The following NOL4 variants were observed in gnomAD, a reference collection of about 807,000 sequenced individuals.
The protein encoded by NOL4 is cancer/testis antigen 125.
A neutral mutation model predicts 75.9 loss-of-function variants in NOL4; 17 were observed. The observed-to-expected ratio is 0.22, with a 90% CI of 0.15 to 0.34. The LOEUF (loss-of-function observed/expected upper bound fraction) is 0.34. NOL4 is among the 10% of genes least tolerant of loss of function. NOL4 has a pLI of 1.00. For missense variants in NOL4, 614 were observed against 793.5 expected (o/e 0.77, Z 2.72); for synonymous variants, 292 against 289.9 (o/e 1.01, Z -0.07).
chr18:34,187,834 A>G (rs956070087), intron 1 of NOL4, among the ~76,000 whole-genome samples: 1 of 152,110 alleles, frequency 6.6e-6, no homozygotes, highest in Non-Finnish European at 1.5e-5. Context: ...ATGTTTTTCA[A>G]CTCACTTGTG....
At chr18:34,143,930 T>C (rs1370442480) in intron 1 of NOL4, among the ~76,000 whole-genome samples, 4 of 149,170 alleles carry the variant, frequency 2.7e-5, no homozygotes, top group African/African-American at 9.8e-5. Flanking sequence ...GACAAAATCA[T>C]AAATCTGTCC....
Position 34,073,352 on chromosome 18 carries a change from C to G in NOL4, c.772+20113G>C, listed in dbSNP as rs538965256. Among the ~76,000 whole-genome samples the G allele has an allele frequency of 5.3e-5, 8 of 151,956 alleles. No homozygotes were observed. In the East Asian group the frequency reaches 1.5e-3, roughly 29 times the overall value. ...AGAGAGGTGATAGTCGTCCTTTGGT[C>G]TCTGTGGGGGAACTGGTACTCCCAT... On this transcript the variant is annotated intron_variant, in intron 5 of 10. Coordinates refer to ENST00000261592, the MANE Select transcript of NOL4 (RefSeq NM_003787.5).
chr18:33,857,732 G>A (rs1392341382), intron 10 of NOL4, among the ~76,000 whole-genome samples: 1 of 151,988 alleles, frequency 6.6e-6, no homozygotes, highest in East Asian at 1.9e-4. Context: ...GAAGTTTAAA[G>A]GTGATAGCAC....
intron 6 of NOL4, among the ~76,000 whole-genome samples, chr18:33,992,879 A>G (rs1476081326): frequency 1.3e-5 from 2 of 152,016 alleles, no homozygotes; most frequent in African/African-American, 4.8e-5. Flanking sequence ...CTGGGAGGAG[A>G]AGGAGACCAT....
chr18:34,175,196 C>T (rs758018068), intron 1 of NOL4, among the ~76,000 whole-genome samples: 30 of 152,096 alleles, frequency 2.0e-4, no homozygotes, highest in Non-Finnish European at 3.5e-4. Flanking sequence ...GCTTTTTCAA[C>T]GCCTCAATCC....
chr18:34,094,626 GC>G, intron 4 of NOL4, among the ~76,000 whole-genome samples: 1 of 152,272 alleles, frequency 6.6e-6, no homozygotes, highest in Non-Finnish European at 1.5e-5. Context: ...AGGCTGGAAG[GC>G]CCGGGAAACC....
chr18:33,998,918 T>A (rs573984560), intron 6 of NOL4, among the ~76,000 whole-genome samples: 1 of 152,116 alleles, frequency 6.6e-6, no homozygotes, highest in African/African-American at 2.4e-5. Context: ...CATATACTTA[T>A]AGTTGCTGAG....
intron 9 of NOL4, among the ~76,000 whole-genome samples, chr18:33,930,689 C>G (rs1416844686): frequency 6.6e-6 from 1 of 152,110 alleles, no homozygotes; most frequent in African/African-American, 2.4e-5. Flanking sequence ...TTTTTTAGGA[C>G]TCTCTAGCCT....
chr18:34,127,975 C>A (rs1053102066), intron 2 of NOL4, among the ~76,000 whole-genome samples: 13 of 151,822 alleles, frequency 8.6e-5, no homozygotes, highest in African/African-American at 3.1e-4. Flanking sequence ...TCTGGACATA[C>A]TTTCAAAGGT....
intron 9 of NOL4, among the ~76,000 whole-genome samples, chr18:33,894,140 GCA>G (rs2065261191): frequency 6.6e-6 from 1 of 152,012 alleles, no homozygotes; most frequent in African/African-American, 2.4e-5. Flanking sequence ...TTCTCTTCTT[GCA>G]TTTGATAGCA....
At chr18:34,172,905 C>T (rs2033182934) in intron 1 of NOL4, among the ~76,000 whole-genome samples, 1 of 151,998 alleles carries the variant, frequency 6.6e-6, no homozygotes, top group Non-Finnish European at 1.5e-5. Context: ...TTTATATTAA[C>T]CCCTTGTAAG....
chr18:34,053,942 C>T (rs1346929853), intron 5 of NOL4, among the ~76,000 whole-genome samples: 1 of 151,812 alleles, frequency 6.6e-6, no homozygotes, highest in Non-Finnish European at 1.5e-5. Context: ...TATACTTCAA[C>T]ATGGATATGG....
chr18:33,990,627 G>A (rs930424855), intron 6 of NOL4, among the ~76,000 whole-genome samples: 11 of 151,982 alleles, frequency 7.2e-5, no homozygotes, highest in African/African-American at 2.4e-4. Flanking sequence ...CTACAGTTAC[G>A]TGAAAATAAC....
At chr18:34,090,287 C>T (rs2078450009) in intron 5 of NOL4, among the ~76,000 whole-genome samples, 1 of 151,784 alleles carries the variant, frequency 6.6e-6, no homozygotes, top group Non-Finnish European at 1.5e-5. Flanking sequence ...CAAATGAAGC[C>T]AATGAAAGGA....
chr18:34,187,801 T>A (rs1430613538), intron 1 of NOL4, among the ~76,000 whole-genome samples: 2 of 152,214 alleles, frequency 1.3e-5, no homozygotes, highest in African/African-American at 4.8e-5. Context: ...TTTAAAAAAA[T>A]TTTGCAGGTT....
At chr18:33,972,502 G>A (rs761095719) in intron 6 of NOL4, among the ~76,000 whole-genome samples, 18 of 152,066 alleles carry the variant, frequency 1.2e-4, no homozygotes, top group Admixed American at 2.0e-4. Flanking sequence ...GAACCCTTGC[G>A]CACTATTGGT....
intron 6 of NOL4, among the ~76,000 whole-genome samples, chr18:33,998,997 T>C (rs1170749704): frequency 2.0e-5 from 3 of 152,156 alleles, no homozygotes; most frequent in Non-Finnish European, 2.9e-5. Context: ...CTAACAGTCC[T>C]TCAGAAAACT....
intron 5 of NOL4, among the ~76,000 whole-genome samples, chr18:34,057,409 C>A (rs1342417037): frequency 6.6e-6 from 1 of 152,074 alleles, no homozygotes; most frequent in East Asian, 1.9e-4. Context: ...TAAGGTTAAG[C>A]CCAGGTAAAA....
intron 8 of NOL4, among the ~76,000 whole-genome samples, chr18:33,945,274 G>A (rs909555370): frequency 6.6e-6 from 1 of 151,332 alleles, no homozygotes; most frequent in Non-Finnish European, 1.5e-5. Context: ...CTTTTTTTCA[G>A]CTATCACCAT....
Sources: gnomAD v4.1 joint callset for allele counts (sites outside exome capture counted in the v4.1 genomes callset) on GRCh38, gnomAD v4.1.1 for gene constraint, MANE v1.5 for transcripts, NCBI Gene and HGNC (gene_info 2026-07-23, HGNC 2026-07-21) for gene names.